Variants in APOBEC3B observed in about 807,000 individuals in gnomAD.
The protein encoded by APOBEC3B is apolipoprotein B mRNA editing enzyme catalytic subunit 3B.
Under a neutral mutation model 53.4 loss-of-function variants are expected in APOBEC3B, and 29 were observed. That is an observed-to-expected ratio of 0.54 (90% confidence interval 0.40 to 0.74). The LOEUF (loss-of-function observed/expected upper bound fraction) is 0.74, where lower values mean the gene tolerates loss of function less well. APOBEC3B is among the 30% of genes least tolerant of loss of function. The pLI, the probability that APOBEC3B is intolerant of heterozygous loss-of-function variation, is 0.00. For missense variants in APOBEC3B, 347 were observed against 496.2 expected (o/e 0.70, Z 2.86); for synonymous variants, 132 against 184.8 (o/e 0.71, Z 2.32).
At chr22:38,984,584 A>G (rs1454758423) in intron 2 of APOBEC3B, among the ~76,000 whole-genome samples, 1 of 148,844 alleles carries the variant, frequency 6.7e-6, no homozygotes, top group Non-Finnish European at 1.5e-5. Flanking sequence ...GGTTCTGGAA[A>G]GGAGAGACAG....
Position 38,990,350 on chromosome 22 carries a change from T to C in APOBEC3B, c.723+740T>C, listed in dbSNP as rs201210812. Among the ~76,000 whole-genome samples, 774 of 145,190 alleles carry C rather than the reference T, an allele frequency of 5.3e-3. 8 individuals are homozygous for C. The highest frequency in any genetic ancestry group is 0.019 in the African/African-American group (715 of 38,114). ...CTAAGCAGTGGGACTCCCCCAGGAATGACCCACAGCCCCTTCTCAGCACAA... is the reference window on the plus strand; with the variant it reads ...CTAAGCAGTGGGACTCCCCCAGGAACGACCCACAGCCCCTTCTCAGCACAA... On this transcript the variant is annotated intron_variant, in intron 5 of 7. Coordinates refer to ENST00000333467, the MANE Select transcript of APOBEC3B (RefSeq NM_004900.5).
chr22:38,983,857 A>G lies in APOBEC3B; in HGVS notation c.18-218A>G, dbSNP rs142340898. 7.3e-3 allele frequency among the ~76,000 whole-genome samples: 1,079 copies of G among 148,216 alleles called. 72 individuals carry two copies. The highest frequency in any genetic ancestry group is 0.025 in the African/African-American group (1,010 of 40,810). On this transcript the variant is annotated intron_variant, in intron 1 of 7. Coordinates refer to ENST00000333467, the MANE Select transcript of APOBEC3B (RefSeq NM_004900.5). ...GTACCCCTGGAAAGGCCAGAGTTGG[A>G]CCCGAGCTGGGAGAGATCACCCCAG...
At position 38,992,097 on chromosome 22, in the gene APOBEC3B, G is replaced by T. The variant is rs1403722473; in HGVS notation, c.1082G>T (p.Gly361Val). Residue 361 changes from glycine (G) to valine (V), a missense_variant, in exon 7 of 8, where the codon GGA becomes GTA. Gly to Val is a moderately radical substitution (Grantham distance 109). Transcript: ENST00000333467. Reference protein sequence around the residue: ...RQGCPFQPWDGLEEHSQALSG... With the variant: ...RQGCPFQPWDVLEEHSQALSG... ...GGATGTCCCTTCCAGCCCTGGGATG[G>T]ACTAGAGGAGCACAGCCAAGCCCTG... 1.3e-6 allele frequency: 2 copies of T among 1,592,764 alleles called. No individual in the cohort carries two copies. The highest frequency in any genetic ancestry group is 1.7e-6 in the Non-Finnish European group (2 of 1,172,442).
At chr22:38,988,187 T>C (rs1415977527) in intron 4 of APOBEC3B, among the ~76,000 whole-genome samples, 1 of 148,608 alleles carries the variant, frequency 6.7e-6, no homozygotes, top group East Asian at 2.3e-4. Flanking sequence ...CTTTTCCTCC[T>C]GACCCTCTCT....
rs199502197 is a variant in APOBEC3B, at chr22:38,986,438, A to G, written c.569+26A>G. On this transcript the variant is annotated intron_variant, in intron 4 of 7. Coordinates refer to ENST00000333467, the MANE Select transcript of APOBEC3B (RefSeq NM_004900.5). The stretch of plus-strand genomic sequence containing the variant: ...GTGAGGGTCTCCCTCTGGCCTCATC[A>G]TCTCTCTCCTCTCACCTGCTCATCC... 166 of 1,586,350 alleles carry G rather than the reference A, an allele frequency of 1.0e-4. 18 individuals carry two copies. Among genetic ancestry groups the G allele is most frequent in the African/African-American group, 8.4e-4 (62 of 74,118 alleles).
chr22:38,989,387 C>G, intron 4 of APOBEC3B, 70 bp from the exon 5 acceptor site: 13 of 1,403,106 alleles, frequency 9.3e-6, no homozygotes, highest in Non-Finnish European at 1.2e-5. Context: ...GTGGGGGGTG[C>G]AGGAGAGGAG....
chr22:38,988,698 T>C (rs1264512530), intron 4 of APOBEC3B, among the ~76,000 whole-genome samples: 1 of 115,200 alleles, frequency 8.7e-6, no homozygotes, highest in African/African-American at 3.8e-5. Flanking sequence ...TCTTTCTTTC[T>C]TTCTTTCTTT....
chr22:38,986,529 C>A, intron 4 of APOBEC3B, 117 bp downstream of exon 4: 2 of 1,197,980 alleles, frequency 1.7e-6, no homozygotes, highest in South Asian at 1.5e-5. Flanking sequence ...CCCTCATGGT[C>A]ACACCACCTT....
intron 4 of APOBEC3B, among the ~76,000 whole-genome samples, chr22:38,988,629 C>G (rs1569038858): frequency 6.9e-6 from 1 of 145,700 alleles, no homozygotes; most frequent in Non-Finnish European, 1.5e-5. Context: ...TCCTTCCTTC[C>G]TTCCTCCCTT....
In APOBEC3B at chr22:38,983,559, G is replaced by A. The variant is rs187359014; in HGVS notation, c.18-516G>A. Among the ~76,000 whole-genome samples the A allele has an allele frequency of 2.1e-4, 31 of 148,694 alleles. 5 individuals are homozygous for A. Among genetic ancestry groups the A allele is most frequent in the African/African-American group, 6.8e-4 (28 of 40,972 alleles). ...GTTACCCCGCCTCTCTGTGCCTCTG[G>A]CATCTCCTCTGTAAGATGGGAATGG... is the stretch of plus-strand genomic sequence containing the variant. On this transcript the variant is annotated intron_variant, in intron 1 of 7. Transcript: ENST00000333467.
intron 1 of APOBEC3B, among the ~76,000 whole-genome samples, chr22:38,983,182 T>C (rs1426916107): frequency 1.4e-5 from 2 of 147,922 alleles, no homozygotes; most frequent in African/African-American, 2.5e-5. Context: ...TAGCCAGGCA[T>C]GGTGGCGCAT....
At position 38,982,444 on chromosome 22, in the gene APOBEC3B, G is replaced by C. The variant is rs368812226; in HGVS notation, c.-10G>C. On this transcript the variant is annotated 5_prime_UTR_variant, in exon 1 of 8. Transcript: ENST00000333467. Reference sequence around the variant, plus strand: ...GCGGGACAGGGACAAGCGTATCTAAGAGGCTGAACATGAATCCACAGATCA... The same window carrying C: ...GCGGGACAGGGACAAGCGTATCTAACAGGCTGAACATGAATCCACAGATCA... The C allele has an allele frequency of 4.4e-6, 7 of 1,593,642 alleles. No individual in the cohort carries two copies. The highest frequency in any genetic ancestry group is 3.4e-6 in the Non-Finnish European group (4 of 1,172,582).
intron 4 of APOBEC3B, among the ~76,000 whole-genome samples, chr22:38,987,911 G>C (rs1370845156): frequency 6.7e-6 from 1 of 148,434 alleles, no homozygotes; most frequent in Non-Finnish European, 1.5e-5. Flanking sequence ...TGCCTGGCCA[G>C]CGTGGCAAAA....
rs778968630 is a variant in APOBEC3B, at chr22:38,982,470, G to C, written c.17G>C (p.Arg6Thr). 61 of 1,593,604 alleles carry C rather than the reference G, an allele frequency of 3.8e-5. 9 individuals carry two copies. In the South Asian group the frequency reaches 6.6e-4, roughly 17 times the overall value. Residue 6 changes from arginine to threonine, a missense_variant and splice_region_variant, in exon 1 of 8, where the codon AGA (arginine) becomes ACA (threonine). By Grantham distance (71) the Arg-to-Thr change is moderately conservative. Around this residue, in one of 5 missense-constraint regions of APOBEC3B, gnomAD observed 73 missense variants for 90.9 expected, o/e 0.80. Transcript: ENST00000333467. ...AGGCTGAACATGAATCCACAGATCA[G>C]GTACCGCTGCCCACTCTGCCTGCTG... MNPQI[R>T]NPMERMYRDT... is the part of the protein sequence containing the mutation.
Position 38,992,617 on chromosome 22 carries a change from TA to T in APOBEC3B, c.*174del. ...AGATTTTTTAAAAATCAGAGTCAATTAATTTTAATTGAAAATTTCTCTTATG... is the reference window on the plus strand; with the variant it reads ...AGATTTTTTAAAAATCAGAGTCAATTATTTTAATTGAAAATTTCTCTTATG... On this transcript the variant is annotated 3_prime_UTR_variant, in exon 8 of 8. Transcript: ENST00000333467. 1 of 1,492,720 alleles carries T rather than the reference TA, an allele frequency of 6.7e-7. No individual in the cohort carries two copies. Among genetic ancestry groups the T allele is most frequent in the Non-Finnish European group, 9.0e-7 (1 of 1,115,196 alleles). The allele number at this position is 1,492,720 out of a possible 1,614,324, so 92.5% of individuals were successfully genotyped here. A position where few individuals can be genotyped will look rare whatever the true frequency, so the allele number is the denominator to read the frequency against.
At chr22:38,987,621 G>A (rs1358434377) in intron 4 of APOBEC3B, among the ~76,000 whole-genome samples, 3 of 148,594 alleles carry the variant, frequency 2.0e-5, no homozygotes, top group South Asian at 2.2e-4. Flanking sequence ...TTAGGAGAGG[G>A]TGTGGGGGAG....
At position 38,986,982 on chromosome 22, in the gene APOBEC3B, G is replaced by A. The variant is rs1380479538; in HGVS notation, c.569+570G>A. ...ATGATTCCTGAGGGCAGGATCCAGGGGTCCCTCCAGATGTCCTCCCATCCA... is the reference window on the plus strand; with the variant it reads ...ATGATTCCTGAGGGCAGGATCCAGGAGTCCCTCCAGATGTCCTCCCATCCA... On this transcript the variant is annotated intron_variant, in intron 4 of 7. Coordinates refer to ENST00000333467, the MANE Select transcript of APOBEC3B (RefSeq NM_004900.5). 4.0e-5 allele frequency among the ~76,000 whole-genome samples: 6 copies of A among 148,642 alleles called. 1 individual carries two copies. The highest frequency in any genetic ancestry group is 8.9e-5 in the Non-Finnish European group (6 of 67,266).
Position 38,991,382 on chromosome 22 carries a change from C to T in APOBEC3B, c.774C>T (p.Phe258=). 1 of 1,560,664 alleles carries T rather than the reference C, an allele frequency of 6.4e-7. No homozygotes were observed. The highest frequency in any genetic ancestry group is 8.7e-7 in the Non-Finnish European group (1 of 1,145,076). The change falls in exon 6 of 8, where the codon TTC becomes TTT. Residue 258 remains phenylalanine (F), a synonymous_variant. Coordinates refer to ENST00000333467, the MANE Select transcript of APOBEC3B (RefSeq NM_004900.5). ...GFYGRHAELR[F]LDLVPSLQLD... ...ACGGCCGCCATGCGGAGCTGCGCTT[C>T]TTGGACCTGGTTCCTTCTTTGCAGT...
In APOBEC3B at chr22:38,992,620, T is replaced by G; in HGVS notation, c.*175T>G. ...TTTTTTAAAAATCAGAGTCAATTAA[T>G]TTTAATTGAAAATTTCTCTTATGTT... On this transcript the variant is annotated 3_prime_UTR_variant, in exon 8 of 8. Transcript: ENST00000333467. 6.7e-7 allele frequency: 1 copy of G among 1,483,338 alleles called. No individual in the cohort carries two copies. The highest frequency in any genetic ancestry group is 9.0e-7 in the Non-Finnish European group (1 of 1,108,012). 91.9% of individuals were successfully genotyped at this position (1,483,338 alleles called of 1,614,324 possible). A position where few individuals can be genotyped will look rare whatever the true frequency, so the allele number is the denominator to read the frequency against.
Sources: gnomAD v4.1 joint callset for allele counts (sites outside exome capture counted in the v4.1 genomes callset) on GRCh38, gnomAD v4.1.1 for gene constraint, gnomAD v4.1.1 regional missense constraint, MANE v1.5 for transcripts, NCBI Gene and HGNC (gene_info 2026-07-23, HGNC 2026-07-21) for gene names.